ATP11C: variants seen among roughly 807,000 people sequenced by gnomAD.
ATP11C encodes phospholipid-transporting ATPase IG.
ATP11C carries 36 observed loss-of-function variants against 97.4 expected under a neutral mutation model. That is an observed-to-expected ratio of 0.37 (90% CI 0.28 to 0.49). ATP11C has a LOEUF of 0.49. Ranked by LOEUF, ATP11C falls within the 20% of genes least tolerant of loss-of-function variation. The pLI, the probability that ATP11C is intolerant of heterozygous loss-of-function variation, is 0.98. For missense variants in ATP11C, 730 were observed against 824.6 expected (o/e 0.89, Z 1.40); for synonymous variants, 275 against 290.9 (o/e 0.95, Z 0.56).
At chrX:139,910,520 C>T (rs1201161354) in intron 1 of ATP11C, among the ~76,000 whole-genome samples, 2 of 108,848 alleles carry the variant, frequency 1.8e-5, no homozygotes, top group Non-Finnish European at 3.8e-5. Flanking sequence ...GCTGGAGAAT[C>T]GCTTGAACCC....
At chrX:139,776,515 C>G (rs1368479137) in intron 18 of ATP11C, among the ~76,000 whole-genome samples, 2 of 111,851 alleles carry the variant, frequency 1.8e-5, no homozygotes, top group Non-Finnish European at 3.8e-5. Context: ...AGCCCTACGA[C>G]AGGGGCATAA....
intron 25 of ATP11C, 24 bp from the exon 26 acceptor site, chrX:139,743,648 T>TG: frequency 9.2e-6 from 9 of 977,251 alleles, no homozygotes; most frequent in Non-Finnish European, 1.3e-5. Flanking sequence ...AATAATTACA[T>TG]GTACCATGTA....
At chrX:139,793,400 AATTAG>A (rs775106292) in intron 12 of ATP11C, among the ~76,000 whole-genome samples, 1 of 111,255 alleles carries the variant, frequency 9.0e-6, no homozygotes, top group South Asian at 3.8e-4. Flanking sequence ...TTTATGGGTT[AATTAG>A]TATTTCATTG....
chrX:139,776,823 G>A (rs1162300616), intron 18 of ATP11C, among the ~76,000 whole-genome samples: 2 of 111,499 alleles, frequency 1.8e-5, no homozygotes, highest in African/African-American at 3.3e-5. Flanking sequence ...TTAGCCCTGC[G>A]GGAGGCAGTG....
chrX:139,818,986 T>A (rs2147853074), intron 3 of ATP11C, among the ~76,000 whole-genome samples: 1 of 112,020 alleles, frequency 8.9e-6, no homozygotes, highest in East Asian at 2.8e-4. Context: ...GAAACTGGTA[T>A]GTAACAAAAT....
chrX:139,881,536 A>T (rs752899460), intron 1 of ATP11C, among the ~76,000 whole-genome samples: 11 of 111,390 alleles, frequency 9.9e-5, no homozygotes, highest in Non-Finnish European at 1.9e-4. Context: ...TCAGAAATAT[A>T]ACCAACATCT....
chrX:139,896,619 GTCTCTCTCTCTC>G (rs202000678), intron 1 of ATP11C, among the ~76,000 whole-genome samples: 39 of 90,891 alleles, frequency 4.3e-4, no homozygotes, highest in African/African-American at 1.1e-3. Flanking sequence ...TTGAGAAAGA[GTCTCTCTCTCTC>G]TCTCTCTCTC....
chrX:139,827,340 T>G (rs58321149), intron 1 of ATP11C, among the ~76,000 whole-genome samples: 1 of 112,240 alleles, frequency 8.9e-6, no homozygotes, highest in Non-Finnish European at 1.9e-5. Flanking sequence ...ATTGAAGAAA[T>G]GATCGACTTT....
chrX:139,878,701 G>T (rs1305202928), intron 1 of ATP11C, among the ~76,000 whole-genome samples: 1 of 111,213 alleles, frequency 9.0e-6, no homozygotes, highest in Non-Finnish European at 1.9e-5. Flanking sequence ...GAAGATCCAG[G>T]GCAGCATACC....
At chrX:139,875,432 A>G (rs1478799524) in intron 1 of ATP11C, among the ~76,000 whole-genome samples, 3 of 107,614 alleles carry the variant, frequency 2.8e-5, no homozygotes, top group African/African-American at 6.8e-5. Flanking sequence ...AAAAAAAAAA[A>G]AAAAAGAAAA....
intron 2 of ATP11C, among the ~76,000 whole-genome samples, chrX:139,820,635 G>A (rs1036347809): frequency 2.8e-5 from 3 of 109,076 alleles, no homozygotes; most frequent in Non-Finnish European, 5.7e-5. Context: ...TCTGGGCTGC[G>A]CTTTGGTAAT....
At chrX:139,867,697 TA>T (rs2084308161) in intron 1 of ATP11C, among the ~76,000 whole-genome samples, 1 of 110,928 alleles carries the variant, frequency 9.0e-6, no homozygotes, top group Admixed American at 9.7e-5. Flanking sequence ...GGCTAAGAAG[TA>T]AGAGGGAGGA....
intron 1 of ATP11C, among the ~76,000 whole-genome samples, chrX:139,908,907 T>G (rs988373400): frequency 8.9e-6 from 1 of 111,991 alleles, no homozygotes; most frequent in African/African-American, 3.2e-5. Context: ...AATAAATGAT[T>G]ATTATACTTT....
intron 1 of ATP11C, among the ~76,000 whole-genome samples, chrX:139,845,965 G>A (rs1017608473): frequency 8.9e-5 from 10 of 112,108 alleles, no homozygotes; most frequent in Non-Finnish European, 5.6e-5. Context: ...TATAGAGATC[G>A]CTCAGATTGT....
intron 1 of ATP11C, among the ~76,000 whole-genome samples, chrX:139,848,324 T>C (rs2083939342): frequency 9.0e-6 from 1 of 111,162 alleles, no homozygotes; most frequent in African/African-American, 3.3e-5. Flanking sequence ...AAAACTCCTT[T>C]GCTTTAAGGA....
intron 1 of ATP11C, among the ~76,000 whole-genome samples, chrX:139,869,196 C>A (rs1042080917): frequency 3.6e-5 from 4 of 112,064 alleles, no homozygotes; most frequent in Non-Finnish European, 5.6e-5. Flanking sequence ...GTATTCACAA[C>A]AGCCAAGATA....
chrX:139,804,697 C>CTAATGTTT, intron 5 of ATP11C, 98 bp from the exon 6 acceptor site: 1 of 668,704 alleles, frequency 1.5e-6, no homozygotes, highest in Non-Finnish European at 2.2e-6. Context: ...TTATCTCTAG[C>CTAATGTTT]TCTGGGGCTT....
chrX:139,777,367 C>G (rs2082368347), intron 18 of ATP11C, among the ~76,000 whole-genome samples: 1 of 109,330 alleles, frequency 9.1e-6, no homozygotes, highest in South Asian at 4.0e-4. Context: ...AAATTCACTA[C>G]AGCAATTTCA....
At chrX:139,926,815 AG>A (rs1195768059) in intron 1 of ATP11C, among the ~76,000 whole-genome samples, 1 of 112,659 alleles carries the variant, frequency 8.9e-6, no homozygotes, top group Non-Finnish European at 1.9e-5. Context: ...GGAAAAAAGA[AG>A]ACAAAACCTG....
Sources: gnomAD v4.1 joint callset for allele counts (sites outside exome capture counted in the v4.1 genomes callset) on GRCh38, gnomAD v4.1.1 for gene constraint, MANE v1.5 for transcripts, NCBI Gene and HGNC (gene_info 2026-07-23, HGNC 2026-07-21) for gene names.